Variants in ZBED6 observed in about 807,000 individuals in gnomAD.
The protein encoded by ZBED6 is zinc finger BED domain-containing protein 6.
ZBED6 carries 40 observed loss-of-function variants against 58.4 expected under a neutral mutation model. That is an observed-to-expected ratio of 0.68 (90% CI 0.53 to 0.89). The LOEUF (loss-of-function observed/expected upper bound fraction) is 0.89. Among genes scored for constraint, ZBED6 ranks in the 40% least tolerant of loss-of-function variants. ZBED6 has a pLI of 0.00. For missense variants in ZBED6, 1,057 were observed against 1,003.9 expected, an observed-to-expected ratio of 1.05 and a Z score of -0.71; for synonymous variants, 439 against 350.6, an observed-to-expected ratio of 1.25 and a Z score of -2.82.
At chr1:203,800,641 A>G in exon 1 of ZBED6, 1 of 549,498 alleles carries the variant, frequency 1.8e-6, no homozygotes. Context: ...TAAAGATTTC[A>G]TAGCTATAAC....
chr1:203,830,512 A>G (rs1353977853), intron 7 of ZBED6, among the ~76,000 whole-genome samples: 1 of 152,188 alleles, frequency 6.6e-6, no homozygotes, highest in Non-Finnish European at 1.5e-5. Flanking sequence ...TTAAAAAGAA[A>G]TTATATTAAG....
intron 11 of ZBED6, among the ~76,000 whole-genome samples, chr1:203,840,637 T>A (rs558510130): frequency 8.0e-5 from 10 of 124,610 alleles, no homozygotes; most frequent in Admixed American, 2.9e-4. Context: ...TATTTATTTA[T>A]TTTATTTATT....
exon 1 of ZBED6, chr1:203,796,452 A>T (rs1218142990): frequency 2.5e-6 from 1 of 398,870 alleles, no homozygotes; most frequent in Admixed American, 4.4e-5. Context: ...TCCTTGTAGG[A>T]CTGGTGAAAC....
At chr1:203,851,220 CAAATA>C (rs1440280642) in intron 16 of ZBED6, 96 bp downstream of exon 16, 8 of 1,102,496 alleles carry the variant, frequency 7.3e-6, no homozygotes, top group Non-Finnish European at 9.1e-6. Context: ...TAGCAACATT[CAAATA>C]AATCTGTTGC....
chr1:203,831,695 C>G (rs1327616971), exon 8 of ZBED6: 1 of 1,613,052 alleles, frequency 6.2e-7, no homozygotes, highest in Non-Finnish European at 8.5e-7. Flanking sequence ...TTTTACTCCA[C>G]CCTGAGCCCG....
At chr1:203,838,372 A>G (rs12723861) in intron 10 of ZBED6, among the ~76,000 whole-genome samples, 17,162 of 152,252 alleles carry the variant, frequency 0.11, 1,300 homozygotes, top group Non-Finnish European at 0.16. Context: ...AGAGGCATCT[A>G]TTATTACCAT....
At chr1:203,822,436 C>T (rs777109569) in intron 3 of ZBED6, among the ~76,000 whole-genome samples, 3 of 151,984 alleles carry the variant, frequency 2.0e-5, no homozygotes, top group African/African-American at 4.8e-5. Context: ...TGACCCCCAA[C>T]ACGATCCCTA....
intron 11 of ZBED6, among the ~76,000 whole-genome samples, chr1:203,843,233 T>C (rs1454106465): frequency 6.6e-6 from 1 of 152,224 alleles, no homozygotes; most frequent in East Asian, 1.9e-4. Context: ...TCAGTATTTA[T>C]GATAATCAGT....
chr1:203,819,073 A>T (rs1416443449), intron 3 of ZBED6, among the ~76,000 whole-genome samples: 39 of 33,354 alleles, frequency 1.2e-3, no homozygotes, highest in Non-Finnish European at 3.8e-3. Context: ...GTCTCAAAAA[A>T]AAAAATATAT....
exon 1 of ZBED6, chr1:203,798,314 C>T: frequency 6.5e-7 from 1 of 1,536,098 alleles, no homozygotes; most frequent in Non-Finnish European, 8.7e-7. Context: ...GAACTAGAGC[C>T]AAGACATCTG....
intron 8 of ZBED6, among the ~76,000 whole-genome samples, chr1:203,832,219 C>T (rs137878332): frequency 3.3e-5 from 5 of 151,978 alleles, no homozygotes; most frequent in East Asian, 1.9e-4. Context: ...CCACCAAGCC[C>T]GGCTGATTTT....
At chr1:203,807,945 T>A (rs1204360612) in intron 1 of ZBED6, among the ~76,000 whole-genome samples, 1 of 152,110 alleles carries the variant, frequency 6.6e-6, no homozygotes, top group Non-Finnish European at 1.5e-5. Context: ...TCTCATTATG[T>A]TGCCCAGGCT....
intron 11 of ZBED6, among the ~76,000 whole-genome samples, chr1:203,846,115 C>CAAAAAA (rs34793133): frequency 3.8e-5 from 2 of 53,172 alleles, no homozygotes; most frequent in Admixed American, 2.3e-4. Context: ...TCGTCTTTAC[C>CAAAAAA]AAAAAAAAAA....
chr1:203,829,280 T>G, intron 4 of ZBED6, 171 bp from the exon 5 acceptor site: 1 of 650,870 alleles, frequency 1.5e-6, no homozygotes, highest in Non-Finnish European at 2.6e-6. Flanking sequence ...GAGAGTTAAT[T>G]AGGTAAAAGC....
chr1:203,829,073 T>G (rs929871343), intron 4 of ZBED6, among the ~76,000 whole-genome samples: 1 of 152,266 alleles, frequency 6.6e-6, no homozygotes. Context: ...AGTAGACTTA[T>G]TCCTTTCTGG....
At chr1:203,834,418 T>G (rs1057513455) in intron 9 of ZBED6, among the ~76,000 whole-genome samples, 4 of 150,514 alleles carry the variant, frequency 2.7e-5, no homozygotes, top group Non-Finnish European at 5.9e-5. Context: ...ACCATAGGCC[T>G]ACACCACCAT....
At chr1:203,798,041 A>T in exon 1 of ZBED6, 1 of 1,535,330 alleles carries the variant, frequency 6.5e-7, no homozygotes. Flanking sequence ...CTACTCTTCA[A>T]CGACATCTGC....
At chr1:203,821,296 TGTGA>T (rs1041419801) in intron 3 of ZBED6, among the ~76,000 whole-genome samples, 15 of 152,186 alleles carry the variant, frequency 9.9e-5, no homozygotes, top group African/African-American at 3.6e-4. Flanking sequence ...CATGCAGAAC[TGTGA>T]GTTAGTTAAA....
At chr1:203,847,549 C>T (rs1688216375) in exon 12 of ZBED6, 2 of 1,613,778 alleles carry the variant, frequency 1.2e-6, no homozygotes, top group Admixed American at 1.7e-5. Flanking sequence ...GCAGGAGGTG[C>T]ACATCAAGAC....
Sources: allele counts gnomAD v4.1 joint callset (sites outside exome capture counted in the v4.1 genomes callset), GRCh38; gene constraint gnomAD v4.1.1; transcripts MANE v1.5; gene names NCBI Gene and HGNC (gene_info 2026-07-23, HGNC 2026-07-21).